Variants in SEMA5A observed in about 807,000 individuals in gnomAD.
SEMA5A encodes the protein semaphorin 5A.
A neutral mutation model predicts 135.5 loss-of-function variants in SEMA5A; 55 were observed. The observed-to-expected ratio is 0.41, with a 90% confidence interval of 0.33 to 0.51. The LOEUF (loss-of-function observed/expected upper bound fraction) is 0.51, where lower values mean the gene tolerates loss of function less well. Among genes scored for constraint, SEMA5A ranks in the 20% least tolerant of loss-of-function variants. The probability of loss-of-function intolerance (pLI) is 0.37; values close to 1 mark genes in which losing one functional copy is unlikely to be tolerated. For missense variants in SEMA5A, 1,290 were observed against 1,419.9 expected (o/e 0.91, Z 1.47); for synonymous variants, 580 against 546.5 (o/e 1.06, Z -0.85).
chr5:9,237,995 G>A, intron 5 of SEMA5A, 105 bp from the exon 6 acceptor site: 1 of 919,302 alleles, frequency 1.1e-6, no homozygotes, highest in South Asian at 1.5e-5. Context: ...AAATATGGCT[G>A]CATCCTGGCA....
intron 13 of SEMA5A, among the ~76,000 whole-genome samples, 176 bp downstream of exon 13, chr5:9,136,328 C>T (rs1741740241): frequency 1.3e-5 from 2 of 152,212 alleles, no homozygotes; most frequent in Admixed American, 1.3e-4. Context: ...TAACAGCATT[C>T]CACGTGGCCC....
At chr5:9,140,198 A>T (rs1382809330) in intron 12 of SEMA5A, among the ~76,000 whole-genome samples, 1 of 152,254 alleles carries the variant, frequency 6.6e-6, no homozygotes, top group Non-Finnish European at 1.5e-5. Flanking sequence ...ACTATTTTAA[A>T]TAAAAAATTA....
At chr5:9,257,365 G>A (rs1749125883) in intron 5 of SEMA5A, among the ~76,000 whole-genome samples, 1 of 152,146 alleles carries the variant, frequency 6.6e-6, no homozygotes, top group East Asian at 1.9e-4. Context: ...TGGTACATGT[G>A]CCATTACGTT....
At chr5:9,444,989 C>T (rs1758377276) in intron 1 of SEMA5A, among the ~76,000 whole-genome samples, 1 of 152,218 alleles carries the variant, frequency 6.6e-6, no homozygotes, top group African/African-American at 2.4e-5. Flanking sequence ...AGAGACCTTA[C>T]ACAAAATGTG....
intron 1 of SEMA5A, among the ~76,000 whole-genome samples, chr5:9,439,088 C>T (rs1358868530): frequency 6.6e-6 from 1 of 152,128 alleles, no homozygotes; most frequent in Non-Finnish European, 1.5e-5. Flanking sequence ...CCCAGCAGCC[C>T]AGGCACCCTC....
intron 5 of SEMA5A, among the ~76,000 whole-genome samples, chr5:9,269,306 C>T (rs1749848677): frequency 6.6e-6 from 1 of 152,130 alleles, no homozygotes; most frequent in Non-Finnish European, 1.5e-5. Context: ...CTCCTGTAGG[C>T]ATGGAAGCAG....
At chr5:9,296,012 A>T (rs1343595761) in intron 5 of SEMA5A, among the ~76,000 whole-genome samples, 1 of 152,152 alleles carries the variant, frequency 6.6e-6, no homozygotes, top group East Asian at 1.9e-4. Flanking sequence ...AGCCCCAATC[A>T]GCCAGTGGAA....
intron 1 of SEMA5A, among the ~76,000 whole-genome samples, chr5:9,542,547 A>G (rs1025007495): frequency 2.6e-5 from 4 of 152,220 alleles, no homozygotes; most frequent in Admixed American, 1.3e-4. Flanking sequence ...TTTGTTAGAC[A>G]CCATAATTTA....
chr5:9,262,962 T>A (rs4702616), intron 5 of SEMA5A, among the ~76,000 whole-genome samples: 50,796 of 119,686 alleles, frequency 0.42, 9,708 homozygotes, highest in East Asian at 0.51. Flanking sequence ...TTCGAAAAAA[T>A]AAAAATAAAA....
At chr5:9,099,910 G>A (rs779850902) in intron 16 of SEMA5A, among the ~76,000 whole-genome samples, 3 of 152,144 alleles carry the variant, frequency 2.0e-5, no homozygotes, top group East Asian at 1.9e-4. Flanking sequence ...CTTCACTCTC[G>A]ACACTCTGTG....
intron 4 of SEMA5A, among the ~76,000 whole-genome samples, chr5:9,335,995 TAAAAA>T (rs563519278): frequency 6.9e-6 from 1 of 145,864 alleles, no homozygotes; most frequent in Admixed American, 6.9e-5. Flanking sequence ...TAAGTGCAGT[TAAAAA>T]AAAAAAGTAG....
intron 2 of SEMA5A, among the ~76,000 whole-genome samples, chr5:9,414,608 C>A (rs1441341284): frequency 6.6e-6 from 1 of 152,170 alleles, no homozygotes; most frequent in South Asian, 2.1e-4. Flanking sequence ...AATCTTCATG[C>A]AAATGCAACA....
chr5:9,410,110 C>T (rs775344855), intron 2 of SEMA5A, among the ~76,000 whole-genome samples: 4 of 152,038 alleles, frequency 2.6e-5, no homozygotes, highest in Non-Finnish European at 5.9e-5. Context: ...AGTTTTATTT[C>T]TCAGTACCTG....
chr5:9,401,198 G>A (rs1349712337), intron 2 of SEMA5A, among the ~76,000 whole-genome samples: 1 of 152,162 alleles, frequency 6.6e-6, no homozygotes, highest in Non-Finnish European at 1.5e-5. Flanking sequence ...GAGCAAGCTG[G>A]AAGACCCAGT....
At chr5:9,399,149 T>C (rs1214570420) in intron 2 of SEMA5A, among the ~76,000 whole-genome samples, 63 of 152,198 alleles carry the variant, frequency 4.1e-4, no homozygotes, top group Admixed American at 4.1e-3. Context: ...TACATGAACA[T>C]TCATAGCAGC....
intron 1 of SEMA5A, among the ~76,000 whole-genome samples, chr5:9,449,481 G>A (rs892101910): frequency 7.2e-5 from 11 of 151,888 alleles, no homozygotes; most frequent in East Asian, 1.9e-4. Context: ...ATACCTAGGC[G>A]ATGAGATGAC....
chr5:9,525,962 A>G (rs1737100374), intron 1 of SEMA5A, among the ~76,000 whole-genome samples: 1 of 152,220 alleles, frequency 6.6e-6, no homozygotes, highest in South Asian at 2.1e-4. Context: ...ATGATAAAGG[A>G]TAATTACTCC....
chr5:9,353,642 T>G (rs1359815497), intron 3 of SEMA5A, among the ~76,000 whole-genome samples: 1 of 152,154 alleles, frequency 6.6e-6, no homozygotes, highest in Non-Finnish European at 1.5e-5. Context: ...TCCACAATAT[T>G]GCATCCCATA....
chr5:9,148,653 A>G (rs1024809039), intron 12 of SEMA5A, among the ~76,000 whole-genome samples: 1 of 152,184 alleles, frequency 6.6e-6, no homozygotes, highest in African/African-American at 2.4e-5. Context: ...AGGCTACAGC[A>G]TGGAACGGGC....
Sources: allele counts gnomAD v4.1 joint callset (sites outside exome capture counted in the v4.1 genomes callset), GRCh38; gene constraint gnomAD v4.1.1; transcripts MANE v1.5; gene names NCBI Gene and HGNC (gene_info 2026-07-23, HGNC 2026-07-21).